FGF9: variants seen among roughly 807,000 people sequenced by gnomAD.
The protein encoded by FGF9 is fibroblast growth factor 9 (glia-activating factor).
In FGF9, 3 loss-of-function variants were observed where a neutral mutation model predicts 19.9. The ratio of observed to expected loss-of-function variants is 0.15; its 90% CI spans 0.07 to 0.39. The LOEUF (loss-of-function observed/expected upper bound fraction) is 0.39, where lower values mean the gene tolerates loss of function less well. FGF9 is among the 10% of genes least tolerant of loss of function. FGF9 has a pLI of 1.00. For missense variants in FGF9, 175 were observed against 256.8 expected, an observed-to-expected ratio of 0.68 and a Z score of 2.18; for synonymous variants, 107 against 106.9, an observed-to-expected ratio of 1.00 and a Z score of -0.01.
In FGF9 at chr13:21,671,307, TTTATTA is replaced by T. The variant is rs555608414; in HGVS notation, c.-598_-593del. The T allele has an allele frequency of 8.4e-6, 3 of 359,074 alleles. No homozygotes were observed. The highest frequency in any genetic ancestry group is 4.1e-5 in the East Asian group (1 of 24,594). 22.2% of individuals were successfully genotyped at this position (359,074 alleles called of 1,614,324 possible). ...GCCTAAAGTTTCTTCTTCTTTTTGT[TTTATTA>T]TTATTATCATTTTTTGGAGGGGGGA... On this transcript the variant is annotated 5_prime_UTR_variant, in exon 1 of 3. Transcript: ENST00000382353.
intron 1 of FGF9, among the ~76,000 whole-genome samples, chr13:21,674,540 G>C (rs1371741646): frequency 6.6e-6 from 1 of 151,874 alleles, no homozygotes; most frequent in African/African-American, 2.4e-5. Flanking sequence ...GCGCACGGCT[G>C]CAGGGGCGCC....
In FGF9 at chr13:21,703,697, T is replaced by C. The variant is rs1872594457; in HGVS notation, c.*2262T>C. Reference sequence around the variant, plus strand: ...ACAGGGAAGAATCAAGTTTCTAGGATGTCATAGGTATACTATGTAGCACTG... The same window carrying C: ...ACAGGGAAGAATCAAGTTTCTAGGACGTCATAGGTATACTATGTAGCACTG... On this transcript the variant is annotated 3_prime_UTR_variant, in exon 3 of 3. Coordinates refer to ENST00000382353, the MANE Select transcript of FGF9 (RefSeq NM_002010.3). The C allele has an allele frequency of 6.6e-6, 1 of 152,094 alleles. No homozygotes were observed. Among genetic ancestry groups the C allele is most frequent in the Non-Finnish European group, 1.5e-5 (1 of 68,024 alleles). 9.4% of individuals were successfully genotyped at this position (152,094 alleles called of 1,614,324 possible). A position where few individuals can be genotyped will look rare whatever the true frequency, so the allele number is the denominator to read the frequency against.
Position 21,681,121 on chromosome 13 carries a change from T to C in FGF9, c.357T>C (p.Asn119=). 2 of 1,613,710 alleles carry C rather than the reference T, an allele frequency of 1.2e-6. No homozygotes were observed. The highest frequency in any genetic ancestry group is 1.7e-6 in the Non-Finnish European group (2 of 1,179,644). ...ACAGTGGACTCTACCTCGGGATGAA[T>C]GAGAAGGGGGAGCTGTATGGATCAG... ...GVDSGLYLGM[N]EKGELYGSEK... The change falls in exon 2 of 3, where the codon AAT becomes AAC. Residue 119 remains asparagine, a synonymous_variant. Transcript: ENST00000382353.
chr13:21,690,816 C>G (rs1359403466), intron 2 of FGF9, among the ~76,000 whole-genome samples: 1 of 152,166 alleles, frequency 6.6e-6, no homozygotes, highest in Non-Finnish European at 1.5e-5. Context: ...ATGTTTTGTG[C>G]TTTTTATTGG....
intron 2 of FGF9, among the ~76,000 whole-genome samples, chr13:21,684,599 G>A (rs915537774): frequency 2.6e-5 from 4 of 152,154 alleles, no homozygotes; most frequent in African/African-American, 9.7e-5. Context: ...GAGGGGGAAT[G>A]AGGCTGAAGC....
At chr13:21,688,752 A>ATTTT (rs56274891) in intron 2 of FGF9, among the ~76,000 whole-genome samples, 1 of 139,992 alleles carries the variant, frequency 7.1e-6, no homozygotes, top group Non-Finnish European at 1.5e-5. Flanking sequence ...ATTTTGGAGG[A>ATTTT]TTTTTTTTTT....
At position 21,702,663 on chromosome 13, in the gene FGF9, T is replaced by A. The variant is rs927738757; in HGVS notation, c.*1228T>A. ...CGTAAGAATCAGATTAACAGGATCA[T>A]ACTTGTAAACTTTTTTTGGTTCACT... On this transcript the variant is annotated 3_prime_UTR_variant, in exon 3 of 3. Coordinates refer to ENST00000382353, the MANE Select transcript of FGF9 (RefSeq NM_002010.3). 14 of 152,234 alleles carry A rather than the reference T, an allele frequency of 9.2e-5. 1 individual carries two copies. The highest frequency in any genetic ancestry group is 1.9e-4 in the Non-Finnish European group (13 of 68,050). 9.4% of individuals were successfully genotyped at this position (152,234 alleles called of 1,614,324 possible).
Position 21,671,583 on chromosome 13 carries a change from A to T in FGF9, c.-330A>T, listed in dbSNP as rs1376921888. ...GAGAAACTACGGATTTTTTTTCCTT[A>T]TTACGGTCGGATGGGATGAAGACCT... On this transcript the variant is annotated 5_prime_UTR_variant, in exon 1 of 3. Coordinates refer to ENST00000382353, the MANE Select transcript of FGF9 (RefSeq NM_002010.3). The T allele has an allele frequency of 2.8e-5, 14 of 495,264 alleles. 1 individual carries two copies. Among genetic ancestry groups the T allele is most frequent in the African/African-American group, 1.4e-4 (7 of 51,360 alleles). 30.7% of individuals were successfully genotyped at this position (495,264 alleles called of 1,614,324 possible).
At chr13:21,673,977 C>G (rs1236819293) in intron 1 of FGF9, 1 of 152,450 alleles carries the variant, frequency 6.6e-6, no homozygotes, top group Admixed American at 6.5e-5. Context: ...CTGCGGGGAC[C>G]ACGGGGGCCG....
At chr13:21,697,715 C>T (rs996361215) in intron 2 of FGF9, among the ~76,000 whole-genome samples, 16 of 152,186 alleles carry the variant, frequency 1.1e-4, no homozygotes, top group Middle Eastern at 3.4e-3. Context: ...GAATTTTGTT[C>T]ACGATTGCTA....
chr13:21,698,773 G>A (rs1872474368), intron 2 of FGF9, among the ~76,000 whole-genome samples: 1 of 152,176 alleles, frequency 6.6e-6, no homozygotes, highest in African/African-American at 2.4e-5. Flanking sequence ...ATTCCGTAGT[G>A]TTTGTAGGTG....
At position 21,675,390 on chromosome 13, in the gene FGF9, C is replaced by T. The variant is rs936587968; in HGVS notation, c.277+3201C>T. On this transcript the variant is annotated intron_variant, in intron 1 of 2. Coordinates refer to ENST00000382353, the MANE Select transcript of FGF9 (RefSeq NM_002010.3). ...CCTCCGCAGAGCGGTGGTGCGTGTG[C>T]CGGGAGCCTCCTACCCTCGCCTTCC... Among the ~76,000 whole-genome samples, 11 of 152,202 alleles carry T rather than the reference C, an allele frequency of 7.2e-5. No homozygotes were observed. The East Asian group carries it at 1.7e-3, about 24-fold the overall frequency.
chr13:21,695,083 CGTGTGTGT>C (rs59076902), intron 2 of FGF9, among the ~76,000 whole-genome samples: 1,376 of 137,220 alleles, frequency 0.01, 19 homozygotes, highest in African/African-American at 0.036. Context: ...TGTGTGTGTG[CGTGTGTGT>C]GTGTGTGTGT....
intron 1 of FGF9, among the ~76,000 whole-genome samples, chr13:21,675,150 G>A (rs1304301711): frequency 5.3e-5 from 8 of 152,010 alleles, no homozygotes; most frequent in Non-Finnish European, 1.2e-4. Flanking sequence ...GGCGTCGGCC[G>A]AGGGGGAAGG....
chr13:21,681,830 T>C lies in FGF9; in HGVS notation c.381+685T>C, dbSNP rs1872049664. On this transcript the variant is annotated intron_variant, in intron 2 of 2. Transcript: ENST00000382353. The stretch of plus-strand genomic sequence containing the variant: ...TGTGGCGGGGACTAACTTTCCATCA[T>C]GGTATCACTTTACTCCTATTAATGC... 2.0e-5 allele frequency among the ~76,000 whole-genome samples: 3 copies of C among 152,158 alleles called. 1 individual carries two copies. Among genetic ancestry groups the C allele is most frequent in the Admixed American group, 2.0e-4 (3 of 15,276 alleles).
At chr13:21,685,509 C>A (rs190635194) in intron 2 of FGF9, among the ~76,000 whole-genome samples, 4 of 152,166 alleles carry the variant, frequency 2.6e-5, no homozygotes, top group African/African-American at 9.6e-5. Context: ...ATGAGTATAA[C>A]GATTTGATTA....
At position 21,671,729 on chromosome 13, in the gene FGF9, G is replaced by A. The variant is rs1475208495; in HGVS notation, c.-184G>A. On this transcript the variant is annotated 5_prime_UTR_variant, in exon 1 of 3. In the 5' UTR this introduces an upstream ATG that the reference lacks. Coordinates refer to ENST00000382353, the MANE Select transcript of FGF9 (RefSeq NM_002010.3). ...CTATCAGTGGTTTGACCTTGAACCT[G>A]TGCCAGTGAAACAGCAGATTACTTT... 4 of 674,328 alleles carry A rather than the reference G, an allele frequency of 5.9e-6. No homozygotes were observed. The highest frequency in any genetic ancestry group is 1.0e-5 in the Non-Finnish European group (4 of 391,838). The allele number at this position is 674,328 out of a possible 1,614,324, so 41.8% of individuals were successfully genotyped here. A position where few individuals can be genotyped will look rare whatever the true frequency, so the allele number is the denominator to read the frequency against.
chr13:21,685,228 C>T (rs17070297), intron 2 of FGF9, among the ~76,000 whole-genome samples: 8,597 of 152,096 alleles, frequency 0.057, 797 homozygotes, highest in African/African-American at 0.19. Context: ...AAACTGATCT[C>T]ATTACGAAAG....
At chr13:21,694,339 T>C (rs1013423258) in intron 2 of FGF9, among the ~76,000 whole-genome samples, 3 of 152,204 alleles carry the variant, frequency 2.0e-5, no homozygotes, top group Non-Finnish European at 4.4e-5. Flanking sequence ...TTAGTCTGCT[T>C]TCTCTATCAT....
Sources: allele counts gnomAD v4.1 joint callset (sites outside exome capture counted in the v4.1 genomes callset), GRCh38; gene constraint gnomAD v4.1.1; transcripts MANE v1.5; gene names NCBI Gene and HGNC (gene_info 2026-07-23, HGNC 2026-07-21).